The following GSDME variants were observed in gnomAD, a reference collection of about 807,000 sequenced individuals.
GSDME encodes the protein gasdermin E, also known as gasdermin-E.
A neutral mutation model predicts 47.5 loss-of-function variants in GSDME; 44 were observed. The observed-to-expected ratio is 0.93, with a 90% CI of 0.73 to 1.19. The LOEUF is 1.19. Ranked by LOEUF, GSDME falls within the 50% of genes most tolerant of loss-of-function variation. The pLI is 0.00. For synonymous variants in GSDME, 258 were observed against 252.8 expected (o/e 1.02, Z -0.20); for missense variants, 663 against 604.2 (o/e 1.10, Z -1.02).
At chr7:24,766,254 A>T in the GSDME span, among the ~76,000 whole-genome samples, 13 of 149,022 alleles carry the variant, frequency 8.7e-5, no homozygotes, top group African/African-American at 3.0e-4. This position sits in a 1 kb window ranked among gnomAD's most constrained non-coding sequence, Gnocchi z 4.2. Flanking sequence ...ATACTCATTC[A>T]TTTTGCTTTT....
chr7:24,711,595 C>T (rs1389945205), intron 5 of GSDME, among the ~76,000 whole-genome samples: 1 of 151,994 alleles, frequency 6.6e-6, no homozygotes, highest in Non-Finnish European at 1.5e-5. Flanking sequence ...CTGAGGCAGG[C>T]AGATTGCTTG....
chr7:24,756,783 C>A lies in GSDME; in HGVS notation c.-20+613G>T, dbSNP rs894895382. On this transcript the variant is annotated intron_variant, in intron 1 of 9. Transcript: ENST00000645220. The surrounding 1 kb of genome is among the most constrained non-coding windows in gnomAD (Gnocchi z 4.2). ...TCCTCAAATGGAGACCAAAGGAAGC[C>A]ACGCGGGCAGCTCTTGAGAGCCATT... Among the ~76,000 whole-genome samples the A allele has an allele frequency of 2.1e-4, 32 of 152,200 alleles. No individual in the cohort carries two copies. Among genetic ancestry groups the A allele is most frequent in the Non-Finnish European group, 8.8e-5 (6 of 68,032 alleles).
In GSDME at chr7:24,710,229, T is replaced by C. The variant is rs748782780; in HGVS notation, c.857A>G (p.Lys286Arg). 2.5e-6 allele frequency: 4 copies of C among 1,613,864 alleles called. No homozygotes were observed. The highest frequency in any genetic ancestry group is 3.4e-6 in the Non-Finnish European group (4 of 1,180,032). Residue 286 changes from lysine to arginine, a missense_variant, in exon 6 of 10, where the codon AAG becomes AGG. Lys to Arg is a conservative substitution (Grantham distance 26). Transcript: ENST00000645220. ...TCCTGCCCTGCTGGCAATACCTTGC[T>C]TTAAAACACTTAATGGTCCATCCTG... ...SSQDGPLSVL[K>R]QATLLLERNF...
chr7:24,711,489 G>T (rs1488794061), intron 5 of GSDME, among the ~76,000 whole-genome samples: 3 of 152,078 alleles, frequency 2.0e-5, no homozygotes, highest in Non-Finnish European at 4.4e-5. Flanking sequence ...TGGGATTACA[G>T]GTGTGAGCCA....
At chr7:24,740,990 G>A (rs953865813) in intron 3 of GSDME, among the ~76,000 whole-genome samples, 1 of 152,148 alleles carries the variant, frequency 6.6e-6, no homozygotes, top group Non-Finnish European at 1.5e-5. Flanking sequence ...CTCAGGGGAG[G>A]GAGCTGACAG....
rs549553689 is a variant in GSDME at position 24,735,803 on chromosome 7, A to G, written c.404+8759T>C. Among the ~76,000 whole-genome samples, 310 of 151,114 alleles carry G rather than the reference A, an allele frequency of 2.1e-3. 1 individual carries two copies. Among genetic ancestry groups the G allele is most frequent in the Non-Finnish European group, 3.5e-3 (240 of 67,794 alleles). ...AATAAATAAATAAATAAATAAATAA[A>G]TAAAACTACAAAAACTTTTCAAGAC... On this transcript the variant is annotated intron_variant, in intron 3 of 9. Transcript: ENST00000645220. The surrounding 1 kb of genome is among the most constrained non-coding windows in gnomAD (Gnocchi z 4.4).
In GSDME at chr7:24,744,643, C is replaced by G. The variant is rs770265619; in HGVS notation, c.323G>C (p.Arg108Pro). Reference sequence around the variant, plus strand: ...TCCAAATGAAGACTGGCTCTCTACGCGGCTGCTGCCCCCCAGGTTCAGCTT... The same window carrying G: ...TCCAAATGAAGACTGGCTCTCTACGGGGCTGCTGCCCCCCAGGTTCAGCTT... The part of the protein sequence containing the change: ...KVKLNLGGSS[R>P]VESQSSFGTL... The change falls in exon 3 of 10, where the codon CGC becomes CCC. Residue 108 changes from arginine (R) to proline (P), a missense_variant. Physicochemically the swap from Arg to Pro is moderately radical, Grantham distance 103 (BLOSUM62 -2). Transcript: ENST00000645220. The surrounding 1 kb of genome is among the most constrained non-coding windows in gnomAD (Gnocchi z 4.5). 1 of 1,614,194 alleles carries G rather than the reference C, an allele frequency of 6.2e-7. No individual in the cohort carries two copies. Among genetic ancestry groups the G allele is most frequent in the African/African-American group, 1.3e-5 (1 of 75,032 alleles).
chr7:24,709,280 C>T (rs752501209), intron 6 of GSDME, among the ~76,000 whole-genome samples: 23 of 152,304 alleles, frequency 1.5e-4, no homozygotes, highest in Admixed American at 2.6e-4. Flanking sequence ...AGCTGCAGCA[C>T]GGGACTGCCT....
chr7:24,723,950 C>T (rs1284471389), intron 3 of GSDME, among the ~76,000 whole-genome samples: 1 of 152,216 alleles, frequency 6.6e-6, no homozygotes, highest in African/African-American at 2.4e-5. Flanking sequence ...CTCGTGGCTG[C>T]CGCCCTGTGC....
chr7:24,770,875 G>GA, the GSDME span, among the ~76,000 whole-genome samples: 783 of 132,180 alleles, frequency 5.9e-3, 2 homozygotes, highest in East Asian at 0.026. This position sits in a 1 kb window ranked among gnomAD's most constrained non-coding sequence, Gnocchi z 4.6. Flanking sequence ...AAAAAAGGCT[G>GA]AAAAAAAAAA....
chr7:24,713,278 G>A (rs1789426530), intron 5 of GSDME, among the ~76,000 whole-genome samples: 1 of 152,072 alleles, frequency 6.6e-6, no homozygotes, highest in Non-Finnish European at 1.5e-5. Context: ...TTTCCTCCAG[G>A]CAGAGGGACG....
rs139262156 is a variant in GSDME, at chr7:24,711,964, C to A, written c.698-1576G>T. Among the ~76,000 whole-genome samples the A allele has an allele frequency of 3.9e-4, 59 of 152,252 alleles. 1 individual carries two copies. In the East Asian group the frequency reaches 0.011, roughly 29 times the overall value. On this transcript the variant is annotated intron_variant, in intron 5 of 9. Coordinates refer to ENST00000645220, the MANE Select transcript of GSDME (RefSeq NM_001127453.2). Reference sequence around the variant, plus strand: ...GTAAATGAGCTCAAGAATTAGCATTCTCTTTATGATTCTATTTACTAACTT... The same window carrying A: ...GTAAATGAGCTCAAGAATTAGCATTATCTTTATGATTCTATTTACTAACTT...
upstream of GSDME, among the ~76,000 whole-genome samples, chr7:24,760,854 GA>G (rs1313947280): frequency 6.6e-6 from 1 of 152,186 alleles, no homozygotes; most frequent in East Asian, 1.9e-4. The surrounding 1 kb of genome is among the most constrained non-coding windows in gnomAD (Gnocchi z 4.2). Context: ...ATATGGTCCA[GA>G]ATTAAATCTG....
the GSDME span, among the ~76,000 whole-genome samples, chr7:24,768,612 A>G: frequency 6.6e-6 from 1 of 152,198 alleles, no homozygotes; most frequent in African/African-American, 2.4e-5. This position sits in a 1 kb window ranked among gnomAD's most constrained non-coding sequence, Gnocchi z 5.6. Context: ...ACAGCACACA[A>G]GTGATAAGTG....
chr7:24,729,041 AT>A (rs761437453), intron 3 of GSDME, among the ~76,000 whole-genome samples: 19 of 152,244 alleles, frequency 1.2e-4, no homozygotes, highest in Non-Finnish European at 2.2e-4. Flanking sequence ...CTAATACCTT[AT>A]CTTACTCACA....
the GSDME span, among the ~76,000 whole-genome samples, chr7:24,782,275 T>C: frequency 6.8e-6 from 1 of 146,272 alleles, no homozygotes; most frequent in African/African-American, 2.5e-5. Context: ...GTCCAAGTGT[T>C]CTCATTGTTC....
At chr7:24,786,629 G>A in the GSDME span, among the ~76,000 whole-genome samples, 1 of 152,170 alleles carries the variant, frequency 6.6e-6, no homozygotes, top group Admixed American at 6.5e-5. The surrounding 1 kb of genome is among the most constrained non-coding windows in gnomAD (Gnocchi z 5.5). Context: ...TCACATATTG[G>A]TGAGCAAGAA....
intron 3 of GSDME, among the ~76,000 whole-genome samples, chr7:24,738,937 A>C (rs752233150): frequency 1.3e-5 from 2 of 152,248 alleles, no homozygotes; most frequent in Non-Finnish European, 2.9e-5. Context: ...CCTATGCAGA[A>C]GAATGAAACT....
chr7:24,704,927 A>C (rs1160555672), intron 8 of GSDME: 1 of 152,330 alleles, frequency 6.6e-6, no homozygotes, highest in Non-Finnish European at 1.5e-5. Context: ...GGCTCAAGTG[A>C]TCCTTCCACC....
Sources: allele counts gnomAD v4.1 joint callset (sites outside exome capture counted in the v4.1 genomes callset), GRCh38; gene constraint gnomAD v4.1.1; non-coding constraint Gnocchi (gnomAD v3.1); transcripts MANE v1.5; gene names NCBI Gene and HGNC (gene_info 2026-07-23, HGNC 2026-07-21).